EML4: variants seen among roughly 807,000 people sequenced by gnomAD.
The protein encoded by EML4 is EMAP like 4.
EML4 carries 72 observed loss-of-function variants against 129.0 expected under a neutral mutation model. That is an observed-to-expected ratio of 0.56 (90% CI 0.46 to 0.68). The LOEUF is 0.68. Among genes scored for constraint, EML4 ranks in the 30% least tolerant of loss-of-function variants. EML4 has a pLI of 0.00. For missense variants in EML4, 1,363 were observed against 1,190.6 expected, an observed-to-expected ratio of 1.14 and a Z score of -2.13; for synonymous variants, 532 against 405.0, an observed-to-expected ratio of 1.31 and a Z score of -3.77.
chr2:42,234,483 G>C (rs550156720), intron 1 of EML4, among the ~76,000 whole-genome samples: 1 of 152,166 alleles, frequency 6.6e-6, no homozygotes, highest in East Asian at 1.9e-4. Context: ...CTCCATTCCT[G>C]TGAGTTCAGA....
chr2:42,200,141 C>G (rs1330795775), intron 1 of EML4, among the ~76,000 whole-genome samples: 1 of 126,632 alleles, frequency 7.9e-6, no homozygotes, highest in African/African-American at 3.1e-5. Flanking sequence ...AACCCCATCT[C>G]TACTAAAAAT....
At chr2:42,302,281 A>G (rs1451697273) in intron 14 of EML4, among the ~76,000 whole-genome samples, 1 of 152,162 alleles carries the variant, frequency 6.6e-6, no homozygotes, top group Non-Finnish European at 1.5e-5. Context: ...GATATGCTGT[A>G]TAGTAATCCA....
chr2:42,223,368 T>G (rs1177816592), intron 1 of EML4, among the ~76,000 whole-genome samples: 1 of 152,178 alleles, frequency 6.6e-6, no homozygotes, highest in African/African-American at 2.4e-5. Context: ...ATTTTTTTGT[T>G]TGCTCATAAG....
intron 8 of EML4, among the ~76,000 whole-genome samples, chr2:42,283,374 T>C (rs911506220): frequency 3.3e-5 from 5 of 152,222 alleles, no homozygotes; most frequent in Admixed American, 1.3e-4. Flanking sequence ...TTTATTCTTT[T>C]GGGAAGAAAG....
chr2:42,250,499 T>TG (rs1675698997), intron 2 of EML4, among the ~76,000 whole-genome samples: 1 of 152,204 alleles, frequency 6.6e-6, no homozygotes, highest in Non-Finnish European at 1.5e-5. Context: ...AAGGGGATGA[T>TG]GGAGTGTCTG....
chr2:42,211,204 A>C (rs1170558600), intron 1 of EML4, among the ~76,000 whole-genome samples: 1 of 152,206 alleles, frequency 6.6e-6, no homozygotes, highest in Admixed American at 6.5e-5. Context: ...AGGGGCATAC[A>C]GTTGGACTTT....
chr2:42,239,672 G>C (rs1674891616), intron 1 of EML4, among the ~76,000 whole-genome samples: 1 of 150,314 alleles, frequency 6.7e-6, no homozygotes, highest in Non-Finnish European at 1.5e-5. Context: ...TTTGAGAAGG[G>C]GCAACAATTT....
At chr2:42,245,760 T>A in intron 2 of EML4, 73 bp downstream of exon 2, 2 of 1,383,044 alleles carry the variant, frequency 1.4e-6, no homozygotes, top group South Asian at 1.5e-5. Flanking sequence ...GCTGGAAATA[T>A]AAAACTAGTT....
At chr2:42,291,371 G>A (rs1210962203) in intron 11 of EML4, among the ~76,000 whole-genome samples, 5 of 143,370 alleles carry the variant, frequency 3.5e-5, no homozygotes, top group African/African-American at 1.3e-4. Context: ...GATAAATCAT[G>A]TTAAAAACTT....
chr2:42,173,565 A>G (rs1408315939), intron 1 of EML4, among the ~76,000 whole-genome samples: 1 of 122,638 alleles, frequency 8.2e-6, no homozygotes, highest in African/African-American at 2.5e-5. Flanking sequence ...AATAAGTACC[A>G]TGACTAGGTG....
intron 1 of EML4, among the ~76,000 whole-genome samples, chr2:42,175,082 G>T (rs556383347): frequency 1.3e-5 from 2 of 150,230 alleles, no homozygotes; most frequent in Non-Finnish European, 3.0e-5. Flanking sequence ...CTCCCTTACA[G>T]GTGTGAGCCA....
At chr2:42,322,617 G>A (rs1198786271) in intron 19 of EML4, among the ~76,000 whole-genome samples, 4 of 152,118 alleles carry the variant, frequency 2.6e-5, no homozygotes, top group South Asian at 4.1e-4. Flanking sequence ...TTGTGGTAAC[G>A]CCATATGGCT....
chr2:42,329,354 C>T (rs1306864833), intron 22 of EML4, among the ~76,000 whole-genome samples: 3 of 152,146 alleles, frequency 2.0e-5, no homozygotes, highest in Non-Finnish European at 4.4e-5. Context: ...CGTTATAAAA[C>T]TAATGGAACT....
At chr2:42,266,649 A>C (rs1666082471) in intron 6 of EML4, among the ~76,000 whole-genome samples, 1 of 128,308 alleles carries the variant, frequency 7.8e-6, no homozygotes, top group Non-Finnish European at 1.7e-5. Flanking sequence ...TGGTCCGAAA[A>C]CTTTTTTTTT....
At chr2:42,262,812 A>G (rs562721774) in intron 4 of EML4, among the ~76,000 whole-genome samples, 18 of 152,222 alleles carry the variant, frequency 1.2e-4, no homozygotes, top group Non-Finnish European at 2.4e-4. Flanking sequence ...AAAAAATGAA[A>G]ATGGCAGCCT....
intron 17 of EML4, among the ~76,000 whole-genome samples, chr2:42,312,925 C>T (rs1669040849): frequency 6.7e-6 from 1 of 148,992 alleles, no homozygotes; most frequent in South Asian, 2.1e-4. Flanking sequence ...TCCTGCCTTT[C>T]CCTACTGAAC....
chr2:42,224,066 T>G (rs185050497), intron 1 of EML4, among the ~76,000 whole-genome samples: 70 of 152,276 alleles, frequency 4.6e-4, no homozygotes, highest in African/African-American at 1.7e-3. Context: ...TTTTGAGATA[T>G]AATTCACATG....
chr2:42,296,758 G>A (rs749722859), intron 13 of EML4, among the ~76,000 whole-genome samples: 12 of 152,254 alleles, frequency 7.9e-5, no homozygotes, highest in South Asian at 2.1e-4. Flanking sequence ...TGTTTTCACC[G>A]AAATGTGGAA....
At chr2:42,298,763 T>C (rs1049077342) in intron 13 of EML4, among the ~76,000 whole-genome samples, 1 of 152,174 alleles carries the variant, frequency 6.6e-6, no homozygotes, top group African/African-American at 2.4e-5. Flanking sequence ...TTGTCATGTT[T>C]AGAAATACGG....
Sources: allele counts gnomAD v4.1 joint callset (sites outside exome capture counted in the v4.1 genomes callset), GRCh38; gene constraint gnomAD v4.1.1; transcripts MANE v1.5; gene names NCBI Gene and HGNC (gene_info 2026-07-23, HGNC 2026-07-21).